The following FAM178B variants were observed in gnomAD, a reference collection of about 807,000 sequenced individuals.
FAM178B encodes protein FAM178B.
Under a neutral mutation model 91.7 loss-of-function variants are expected in FAM178B, and 82 were observed. The observed-to-expected ratio is 0.89, with a 90% CI of 0.75 to 1.07. The LOEUF (loss-of-function observed/expected upper bound fraction) is 1.07, where lower values mean the gene tolerates loss of function less well. FAM178B is among the 50% of genes least tolerant of loss of function. The pLI is 0.00. For missense variants in FAM178B, 769 were observed against 846.7 expected (o/e 0.91, Z 1.14); for synonymous variants, 368 against 359.4 (o/e 1.02, Z -0.27).
At chr2:96,898,477 A>C (rs1032424097) in intron 13 of FAM178B, among the ~76,000 whole-genome samples, 2 of 152,174 alleles carry the variant, frequency 1.3e-5, no homozygotes, top group Non-Finnish European at 2.9e-5. Context: ...CAACATGGCG[A>C]AACCCTGCCG....
At chr2:96,911,420 G>A (rs1344852886) in intron 12 of FAM178B, among the ~76,000 whole-genome samples, 1 of 152,232 alleles carries the variant, frequency 6.6e-6, no homozygotes, top group Non-Finnish European at 1.5e-5. Context: ...GAGTTGGGGT[G>A]GCTGCCAAGT....
At chr2:96,933,598 CCT>C (rs1213845076) in intron 8 of FAM178B, among the ~76,000 whole-genome samples, 6 of 152,356 alleles carry the variant, frequency 3.9e-5, no homozygotes, top group Non-Finnish European at 8.8e-5. Context: ...TCCCTCGTGC[CCT>C]GAGTCCTCAG....
chr2:96,952,953 C>T (rs185714144), intron 6 of FAM178B, among the ~76,000 whole-genome samples: 7 of 152,140 alleles, frequency 4.6e-5, no homozygotes, highest in African/African-American at 1.7e-4. Flanking sequence ...TCCTCCTTCT[C>T]CTTTAAAAAG....
chr2:96,966,145 C>T (rs1257014), intron 5 of FAM178B, among the ~76,000 whole-genome samples: 82,431 of 151,870 alleles, frequency 0.54, 27,887 homozygotes, highest in Non-Finnish European at 0.76. Flanking sequence ...CTCCTATCCC[C>T]CACCAGCCCC....
chr2:96,966,354 A>G (rs529126822), intron 5 of FAM178B, among the ~76,000 whole-genome samples: 7 of 151,764 alleles, frequency 4.6e-5, no homozygotes, highest in African/African-American at 7.3e-5. Context: ...TTCATCATCA[A>G]AGCCCACATG....
intron 8 of FAM178B, among the ~76,000 whole-genome samples, chr2:96,935,961 C>A (rs755069220): frequency 1.3e-4 from 20 of 151,286 alleles, no homozygotes; most frequent in African/African-American, 3.4e-4. Context: ...TAGAACTGCA[C>A]AACACAACCC....
chr2:96,986,111 CCA>C, intron 1 of FAM178B, 128 bp downstream of exon 1: 1 of 1,465,120 alleles, frequency 6.8e-7, no homozygotes, highest in Non-Finnish European at 9.0e-7. Context: ...CTGAAAAGCG[CCA>C]GAGTAGCCCG....
intron 4 of FAM178B, among the ~76,000 whole-genome samples, chr2:96,967,936 T>C (rs2082167184): frequency 1.5e-5 from 2 of 137,682 alleles, no homozygotes; most frequent in South Asian, 2.3e-4. Context: ...TTTTTTTTTT[T>C]TTGATACCAG....
At chr2:96,892,874 G>A (rs975848558) in intron 14 of FAM178B, among the ~76,000 whole-genome samples, 3 of 152,148 alleles carry the variant, frequency 2.0e-5, no homozygotes, top group Admixed American at 2.0e-4. Context: ...CCAGTTTCTG[G>A]GGAAATACTT....
chr2:96,902,464 A>G (rs1243003136), intron 13 of FAM178B, among the ~76,000 whole-genome samples, 156 bp downstream of exon 13: 2 of 152,246 alleles, frequency 1.3e-5, no homozygotes, highest in African/African-American at 4.8e-5. Context: ...CGCCTAGCAC[A>G]TGGCTGGCAT....
chr2:96,944,481 T>C (rs2081788537), intron 8 of FAM178B, among the ~76,000 whole-genome samples: 1 of 152,146 alleles, frequency 6.6e-6, no homozygotes, highest in Admixed American at 6.5e-5. Flanking sequence ...ACCTCGTATG[T>C]CCCATCCTTT....
chr2:96,877,429 G>A (rs1404059471), intron 16 of FAM178B, among the ~76,000 whole-genome samples: 1 of 148,102 alleles, frequency 6.8e-6, no homozygotes, highest in African/African-American at 2.5e-5. Context: ...TTGAGATGGA[G>A]TCTTGCCCTG....
chr2:96,958,637 C>G (rs2082035142), intron 6 of FAM178B, among the ~76,000 whole-genome samples: 1 of 128,294 alleles, frequency 7.8e-6, no homozygotes, highest in South Asian at 2.5e-4. Flanking sequence ...TTGCAGTGAG[C>G]CGAGATGGCG....
intron 13 of FAM178B, among the ~76,000 whole-genome samples, chr2:96,900,374 C>A (rs972939334): frequency 6.6e-5 from 10 of 152,102 alleles, no homozygotes; most frequent in African/African-American, 2.4e-4. Flanking sequence ...CCCATGCACC[C>A]CGACGACCCA....
At chr2:96,946,767 C>A (rs2081836005) in intron 8 of FAM178B, among the ~76,000 whole-genome samples, 2 of 152,340 alleles carry the variant, frequency 1.3e-5, no homozygotes, top group Non-Finnish European at 2.9e-5. Context: ...GCAGAGGCGG[C>A]CCCTGGGGCT....
chr2:96,963,103 G>A (rs997465247), intron 5 of FAM178B, among the ~76,000 whole-genome samples: 6 of 152,188 alleles, frequency 3.9e-5, no homozygotes, highest in Non-Finnish European at 8.8e-5. Context: ...TCAAAGCCAG[G>A]ACTACCTTCT....
intron 1 of FAM178B, among the ~76,000 whole-genome samples, chr2:96,974,493 CAA>C (rs941250448): frequency 1.5e-5 from 2 of 136,368 alleles, no homozygotes; most frequent in Non-Finnish European, 3.2e-5. Flanking sequence ...ATATAGAAAA[CAA>C]ATAGCAAAAT....
In FAM178B at chr2:96,908,568, G is replaced by GA. The variant is rs1316926919; in HGVS notation, c.1563-5862dup. 5.9e-5 allele frequency among the ~76,000 whole-genome samples: 9 copies of GA among 152,260 alleles called. No homozygotes were observed. The East Asian group carries it at 1.7e-3, about 29-fold the overall frequency. The stretch of plus-strand genomic sequence containing the variant: ...AACCAACCAACAAAACAGGTAAAAT[G>GA]AATCTATGTGATGGAAGCTGTGAAA... On this transcript the variant is annotated intron_variant, in intron 12 of 16. Coordinates refer to ENST00000490605, the MANE Select transcript of FAM178B (RefSeq NM_001122646.3).
At chr2:96,972,496 A>G (rs1297141698) in intron 2 of FAM178B, 42 bp downstream of exon 2, 4 of 1,543,978 alleles carry the variant, frequency 2.6e-6, no homozygotes, top group South Asian at 2.4e-5. Context: ...CTCGCCCCCA[A>G]ACCTCAGTGG....
Sources: allele counts gnomAD v4.1 joint callset (sites outside exome capture counted in the v4.1 genomes callset), GRCh38; gene constraint gnomAD v4.1.1; transcripts MANE v1.5; gene names NCBI Gene and HGNC (gene_info 2026-07-23, HGNC 2026-07-21).